Variants in LGALS8 observed in about 807,000 individuals in gnomAD.
LGALS8 encodes galectin-8.
A neutral mutation model predicts 35.9 loss-of-function variants in LGALS8; 30 were observed. That is an observed-to-expected ratio of 0.83 (90% CI 0.62 to 1.13). The LOEUF is 1.13. Ranked by LOEUF, LGALS8 falls within the 50% of genes most tolerant of loss-of-function variation. The probability of loss-of-function intolerance (pLI) is 0.00; values close to 1 mark genes in which losing one functional copy is unlikely to be tolerated. For synonymous variants in LGALS8, 138 were observed against 136.1 expected, an observed-to-expected ratio of 1.01 and a Z score of -0.10; for missense variants, 366 against 388.7, an observed-to-expected ratio of 0.94 and a Z score of 0.49.
Position 236,548,807 on chromosome 1 carries a change from A to G in LGALS8, c.*646A>G, listed in dbSNP as rs561804394. 1 of 397,084 alleles carries G rather than the reference A, an allele frequency of 2.5e-6. No homozygotes were observed. Among genetic ancestry groups the G allele is most frequent in the East Asian group, 3.6e-5 (1 of 28,036 alleles). The allele number at this position is 397,084 out of a possible 1,614,324, so 24.6% of individuals were successfully genotyped here. ...ATCGTAATAAACATGTGGCTCTATTAGCTGCAAGCTTTACCAAGTAATTGG... is the reference window on the plus strand; with the variant it reads ...ATCGTAATAAACATGTGGCTCTATTGGCTGCAAGCTTTACCAAGTAATTGG... On this transcript the variant is annotated 3_prime_UTR_variant, in exon 10 of 10. Transcript: ENST00000366584.
At chr1:236,532,526 A>T (rs1178461818) in intron 2 of LGALS8, among the ~76,000 whole-genome samples, 2 of 152,140 alleles carry the variant, frequency 1.3e-5, no homozygotes, top group African/African-American at 2.4e-5. Context: ...TTACAAACTA[A>T]ACTCGTCATC....
At chr1:236,518,248 G>A (rs1207418686), upstream of LGALS8, 1 of 152,124 alleles carries the variant, frequency 6.6e-6, no homozygotes, top group Non-Finnish European at 1.5e-5. Context: ...CACCTGAAAA[G>A]ACTGGATTTG....
At chr1:236,519,988 A>G (rs1011753981), upstream of LGALS8, among the ~76,000 whole-genome samples, 6 of 112,000 alleles carry the variant, frequency 5.4e-5, no homozygotes, top group African/African-American at 1.4e-4. Flanking sequence ...ACACAGTTTC[A>G]CTCTGTTGCC....
chr1:236,545,671 T>C (rs1447443443), intron 9 of LGALS8, among the ~76,000 whole-genome samples: 1 of 152,164 alleles, frequency 6.6e-6, no homozygotes, highest in African/African-American at 2.4e-5. Context: ...TCAGGCGGAA[T>C]AGATAGCAAT....
chr1:236,523,730 C>A, upstream of LGALS8: 1 of 277,612 alleles, frequency 3.6e-6, no homozygotes, highest in Non-Finnish European at 7.2e-6. Context: ...AGGACACATT[C>A]TTTGTCCTTA....
In LGALS8 at chr1:236,552,764, A is replaced by AT. The variant is rs1369896757; in HGVS notation, c.*4604dup. ...TAATTTTGGATATTTTAATTAAAGAATATCTGGACAGTACAAAGTGAATTA... is the reference window on the plus strand; with the variant it reads ...TAATTTTGGATATTTTAATTAAAGAATTATCTGGACAGTACAAAGTGAATTA... On this transcript the variant is annotated 3_prime_UTR_variant, in exon 10 of 10. Transcript: ENST00000366584. 2.6e-5 allele frequency: 4 copies of AT among 152,254 alleles called. No individual in the cohort carries two copies. The highest frequency in any genetic ancestry group is 9.6e-5 in the African/African-American group (4 of 41,464). The allele number at this position is 152,254 out of a possible 1,614,324, so 9.4% of individuals were successfully genotyped here.
At chr1:236,524,724 C>A (rs1354481875) in intron 1 of LGALS8, 1 of 307,064 alleles carries the variant, frequency 3.3e-6, no homozygotes, top group Non-Finnish European at 6.5e-6. Context: ...GGGTCACTGG[C>A]TTGTTATTAT....
chr1:236,537,450 G>A (rs760430503), intron 2 of LGALS8, 47 bp from the exon 3 acceptor site: 1 of 1,177,686 alleles, frequency 8.5e-7, no homozygotes, highest in Non-Finnish European at 1.3e-6. Flanking sequence ...TGCTTAGTAA[G>A]TAATTTTGTT....
intron 2 of LGALS8, among the ~76,000 whole-genome samples, chr1:236,531,950 C>T (rs1661174248): frequency 6.6e-6 from 1 of 152,180 alleles, no homozygotes; most frequent in Admixed American, 6.5e-5. Flanking sequence ...GGTCGCCTCC[C>T]AGTGGAGTCA....
chr1:236,519,700 G>C (rs1660498484), upstream of LGALS8, among the ~76,000 whole-genome samples: 1 of 152,080 alleles, frequency 6.6e-6, no homozygotes, highest in Non-Finnish European at 1.5e-5. Context: ...CTTGTTCTTT[G>C]GGGGAAAAAG....
At position 236,551,127 on chromosome 1, in the gene LGALS8, A is replaced by C. The variant is rs1211039778; in HGVS notation, c.*2966A>C. ...AGAGTGAAATGAAGCACATTAACAA[A>C]GCAGGAGGCGCCACGGACCGCCTCC... On this transcript the variant is annotated 3_prime_UTR_variant, in exon 10 of 10. Coordinates refer to ENST00000366584, the MANE Select transcript of LGALS8 (RefSeq NM_201544.4). 1 of 688,736 alleles carries C rather than the reference A, an allele frequency of 1.5e-6. No individual in the cohort carries two copies. The highest frequency in any genetic ancestry group is 2.8e-5 in the East Asian group (1 of 35,506). 42.7% of individuals were successfully genotyped at this position (688,736 alleles called of 1,614,324 possible). A position where few individuals can be genotyped will look rare whatever the true frequency, so the allele number is the denominator to read the frequency against.
chr1:236,528,639 C>A (rs1383823204), intron 2 of LGALS8, among the ~76,000 whole-genome samples: 1 of 149,692 alleles, frequency 6.7e-6, no homozygotes, highest in African/African-American at 2.5e-5. Flanking sequence ...GCAACCTCCA[C>A]CTCCTGGGCT....
rs191806318 is a variant in LGALS8, at chr1:236,548,511, G to A, written c.*350G>A. On this transcript the variant is annotated 3_prime_UTR_variant, in exon 10 of 10. Transcript: ENST00000366584. ...AGATTTTTTTTGGTAAAACTGTGAA[G>A]AGCTAGGATATATACTTGGTGAAAC... 163 of 272,480 alleles carry A rather than the reference G, an allele frequency of 6.0e-4. 2 individuals carry two copies. Among genetic ancestry groups the A allele is most frequent in the African/African-American group, 3.4e-3 (156 of 45,710 alleles). The allele number at this position is 272,480 out of a possible 1,614,324, so 16.9% of individuals were successfully genotyped here. A position where few individuals can be genotyped will look rare whatever the true frequency, so the allele number is the denominator to read the frequency against.
At chr1:236,529,519 T>A (rs537514815) in intron 2 of LGALS8, among the ~76,000 whole-genome samples, 1 of 150,580 alleles carries the variant, frequency 6.6e-6, no homozygotes, top group African/African-American at 2.4e-5. Context: ...GAGGTGGAGG[T>A]TGTAATGAGC....
chr1:236,532,292 T>C (rs1403326158), intron 2 of LGALS8, among the ~76,000 whole-genome samples: 3 of 152,144 alleles, frequency 2.0e-5, no homozygotes, highest in Admixed American at 6.5e-5. Context: ...GGCCTGCCAA[T>C]GTTAATTCTT....
At position 236,552,090 on chromosome 1, in the gene LGALS8, C is replaced by T. The variant is rs371330984; in HGVS notation, c.*3929C>T. ...TTTCAGCCAGTGCTAACACAGTAAT[C>T]AAAGCAGCAAATCGAACCTGAAAGG... On this transcript the variant is annotated 3_prime_UTR_variant, in exon 10 of 10. Coordinates refer to ENST00000366584, the MANE Select transcript of LGALS8 (RefSeq NM_201544.4). The T allele has an allele frequency of 1.9e-6, 3 of 1,611,176 alleles. No individual in the cohort carries two copies. Among genetic ancestry groups the T allele is most frequent in the Non-Finnish European group, 2.5e-6 (3 of 1,178,300 alleles).
intron 2 of LGALS8, among the ~76,000 whole-genome samples, chr1:236,537,141 C>T (rs1173421835): frequency 1.3e-5 from 2 of 151,318 alleles, no homozygotes; most frequent in African/African-American, 4.9e-5. Context: ...CTCAGCCTCC[C>T]GAGTAGCTGG....
rs1202822436 is a variant in LGALS8 at position 236,551,072 on chromosome 1, C to T, written c.*2911C>T. The T allele has an allele frequency of 1.8e-6, 2 of 1,094,664 alleles. No homozygotes were observed. The highest frequency in any genetic ancestry group is 1.5e-5 in the South Asian group (1 of 65,304). 67.8% of individuals were successfully genotyped at this position (1,094,664 alleles called of 1,614,324 possible). A position where few individuals can be genotyped will look rare whatever the true frequency, so the allele number is the denominator to read the frequency against. On this transcript the variant is annotated 3_prime_UTR_variant, in exon 10 of 10. Transcript: ENST00000366584. ...TTCTCATTAGTTTAATTCTTAATGC[C>T]TTGCACTTTCCGGCAATCATTCAAT...
intron 2 of LGALS8, among the ~76,000 whole-genome samples, chr1:236,533,120 C>T (rs937950503): frequency 6.6e-6 from 1 of 152,290 alleles, no homozygotes; most frequent in East Asian, 1.9e-4. Flanking sequence ...TAAAATCTGA[C>T]CCTGGCTGTA....
Sources: allele counts gnomAD v4.1 joint callset (sites outside exome capture counted in the v4.1 genomes callset), GRCh38; gene constraint gnomAD v4.1.1; transcripts MANE v1.5; gene names NCBI Gene and HGNC (gene_info 2026-07-23, HGNC 2026-07-21).